Variants in RFX3 observed in about 807,000 individuals in gnomAD.
RFX3 encodes the protein regulatory factor X3.
In RFX3, 14 loss-of-function variants were observed where a neutral mutation model predicts 98.6. The ratio of observed to expected loss-of-function variants is 0.14; its 90% CI spans 0.09 to 0.22. The LOEUF is 0.22. Among genes scored for constraint, RFX3 ranks in the 10% least tolerant of loss-of-function variants. The pLI, the probability that RFX3 is intolerant of heterozygous loss-of-function variation, is 1.00. For synonymous variants in RFX3, 383 were observed against 328.4 expected (o/e 1.17, Z -1.80); for missense variants, 639 against 926.9 (o/e 0.69, Z 4.03).
In RFX3 at chr9:3,525,784, T is replaced by C; in HGVS notation, c.-46A>G. Reference sequence around the variant, plus strand: ...TTATTGTGGTGTTGTTGGTGGGTGATGGAGATGGTGGTGGTGGGGAGGAGG... The same window carrying C: ...TTATTGTGGTGTTGTTGGTGGGTGACGGAGATGGTGGTGGTGGGGAGGAGG... On this transcript the variant is annotated 5_prime_UTR_variant, in exon 1 of 17. Transcript: ENST00000617270. 2.0e-6 allele frequency: 1 copy of C among 497,478 alleles called. No individual in the cohort carries two copies. The highest frequency in any genetic ancestry group is 2.6e-6 in the Non-Finnish European group (1 of 384,384). 30.8% of individuals were successfully genotyped at this position (497,478 alleles called of 1,614,324 possible). A position where few individuals can be genotyped will look rare whatever the true frequency, so the allele number is the denominator to read the frequency against.
rs372533161 is a variant in RFX3, at chr9:3,322,149, A to G, written c.474+8110T>C. Among the ~76,000 whole-genome samples, 247 of 152,236 alleles carry G rather than the reference A, an allele frequency of 1.6e-3. 4 individuals are homozygous for G. In the South Asian group the frequency reaches 0.043, roughly 26 times the overall value. On this transcript the variant is annotated intron_variant, in intron 4 of 16. Transcript: ENST00000617270. ...TTTACATGAACAGCCTTTCTTGTCA[A>G]AAAAACTATTGGTATTATGATTGAG...
chr9:3,392,655 A>T (rs1469463924), intron 2 of RFX3, among the ~76,000 whole-genome samples: 1 of 152,142 alleles, frequency 6.6e-6, no homozygotes, highest in Non-Finnish European at 1.5e-5. Flanking sequence ...ATTTGAAAAT[A>T]GGCCTGCATC....
At chr9:3,469,163 G>C (rs1848566188) in intron 1 of RFX3, 1 of 455,082 alleles carries the variant, frequency 2.2e-6, no homozygotes, top group Non-Finnish European at 4.4e-6. Context: ...AACAAAAAGA[G>C]AAAGAAAGAA....
At chr9:3,406,136 T>C (rs527939594) in intron 1 of RFX3, among the ~76,000 whole-genome samples, 1 of 151,722 alleles carries the variant, frequency 6.6e-6, no homozygotes, top group African/African-American at 2.4e-5. Context: ...ATTTTTTGGA[T>C]TTTTTTTGTA....
intron 1 of RFX3, among the ~76,000 whole-genome samples, chr9:3,448,140 T>C (rs1284344435): frequency 6.6e-6 from 1 of 151,836 alleles, no homozygotes; most frequent in Non-Finnish European, 1.5e-5. Flanking sequence ...TGAGATTTAC[T>C]CTGTAAACAT....
chr9:3,442,145 A>T (rs1033896690), intron 1 of RFX3, among the ~76,000 whole-genome samples: 4 of 152,154 alleles, frequency 2.6e-5, no homozygotes, highest in Non-Finnish European at 5.9e-5. Flanking sequence ...GGTTGCAATG[A>T]GCTGAGATCA....
intron 3 of RFX3, among the ~76,000 whole-genome samples, chr9:3,342,938 T>A (rs1834055278): frequency 6.6e-6 from 1 of 152,190 alleles, no homozygotes; most frequent in Non-Finnish European, 1.5e-5. Context: ...AATTACCTTC[T>A]CCCTTGAGCA....
intron 16 of RFX3, 130 bp from the exon 17 acceptor site, chr9:3,225,410 G>A: frequency 7.3e-7 from 1 of 1,362,384 alleles, no homozygotes; most frequent in Non-Finnish European, 9.7e-7. Flanking sequence ...AGGAAACAAA[G>A]CTTAGAGGTT....
chr9:3,269,665 G>C (rs1563832551), intron 11 of RFX3, among the ~76,000 whole-genome samples: 1 of 152,140 alleles, frequency 6.6e-6, no homozygotes, highest in African/African-American at 2.4e-5. Flanking sequence ...ACTTAAAAAG[G>C]TAATCTAACC....
intron 1 of RFX3, among the ~76,000 whole-genome samples, chr9:3,434,460 G>C (rs1373778981): frequency 6.6e-6 from 1 of 152,054 alleles, no homozygotes; most frequent in African/African-American, 2.4e-5. Flanking sequence ...CTTGGTCTAT[G>C]TATACACTAC....
chr9:3,463,846 C>T (rs567419010), intron 1 of RFX3, among the ~76,000 whole-genome samples: 25 of 152,098 alleles, frequency 1.6e-4, no homozygotes, highest in African/African-American at 4.3e-4. Context: ...TGGAGGTACA[C>T]GCCTACGGTC....
chr9:3,353,086 C>G (rs1361603499), intron 2 of RFX3, among the ~76,000 whole-genome samples: 1 of 151,568 alleles, frequency 6.6e-6, no homozygotes, highest in Non-Finnish European at 1.5e-5. Context: ...TCTCAGCAAA[C>G]TATCGCAAGG....
At chr9:3,274,801 A>T (rs575105446) in intron 9 of RFX3, among the ~76,000 whole-genome samples, 1 of 152,154 alleles carries the variant, frequency 6.6e-6, no homozygotes, top group East Asian at 1.9e-4. Flanking sequence ...CACAAAGGCA[A>T]CCACTGTTAA....
chr9:3,260,013 G>T (rs952366579), intron 13 of RFX3, among the ~76,000 whole-genome samples: 2 of 151,948 alleles, frequency 1.3e-5, no homozygotes, highest in Non-Finnish European at 2.9e-5. Context: ...TAAAATGGGA[G>T]GCAAGGGACT....
chr9:3,259,356 C>G (rs115346669), intron 13 of RFX3, among the ~76,000 whole-genome samples: 2,539 of 152,084 alleles, frequency 0.017, 69 homozygotes, highest in African/African-American at 0.058. Context: ...GCTTTTCAAA[C>G]TACTTTATAT....
chr9:3,455,173 TAA>T (rs1279383015), intron 1 of RFX3, among the ~76,000 whole-genome samples: 3 of 152,212 alleles, frequency 2.0e-5, no homozygotes, highest in Non-Finnish European at 1.5e-5. Context: ...TGTTTCTAGG[TAA>T]GGAACAGACT....
chr9:3,401,228 A>T (rs1841446516), intron 1 of RFX3, among the ~76,000 whole-genome samples: 3 of 152,234 alleles, frequency 2.0e-5, no homozygotes, highest in African/African-American at 7.2e-5. Context: ...CAGCAGATTA[A>T]TTAGAATGTT....
intron 1 of RFX3, among the ~76,000 whole-genome samples, chr9:3,427,185 G>T (rs1331609588): frequency 3.4e-5 from 5 of 146,204 alleles, no homozygotes; most frequent in African/African-American, 1.2e-4. Flanking sequence ...TGCACGTGCA[G>T]TAACTTATTA....
intron 10 of RFX3, 96 bp from the exon 11 acceptor site, chr9:3,270,621 A>T (rs1824297969): frequency 1.6e-6 from 2 of 1,226,768 alleles, no homozygotes; most frequent in Admixed American, 3.9e-5. Context: ...AATATTACTG[A>T]GGTTAGAACT....
Sources: gnomAD v4.1 joint callset for allele counts (sites outside exome capture counted in the v4.1 genomes callset) on GRCh38, gnomAD v4.1.1 for gene constraint, MANE v1.5 for transcripts, NCBI Gene and HGNC (gene_info 2026-07-23, HGNC 2026-07-21) for gene names.